ABCC8: variants seen among roughly 807,000 people sequenced by gnomAD.
ABCC8 encodes ATP-binding cassette sub-family C member 8.
Under a neutral mutation model 188.0 loss-of-function variants are expected in ABCC8, and 137 were observed. The observed-to-expected ratio is 0.73, with a 90% CI of 0.63 to 0.84. The LOEUF (loss-of-function observed/expected upper bound fraction) is 0.84, where lower values mean the gene tolerates loss of function less well. Ranked by LOEUF, ABCC8 falls within the 40% of genes least tolerant of loss-of-function variation. The pLI, the probability that ABCC8 is intolerant of heterozygous loss-of-function variation, is 0.00. For missense variants in ABCC8, 1,750 were observed against 2,072.7 expected, an observed-to-expected ratio of 0.84 and a Z score of 3.02; for synonymous variants, 797 against 846.5, an observed-to-expected ratio of 0.94 and a Z score of 1.01.
rs922957650 is a variant in ABCC8 at position 17,427,359 on chromosome 11, C to A, written c.2117-205G>T. Reference sequence around the variant, plus strand: ...CCTCTGGCTCCCCAGGTCCTTCCCCCTCTCTGATTTCCTGCCCCGCCACCC... The same window carrying A: ...CCTCTGGCTCCCCAGGTCCTTCCCCATCTCTGATTTCCTGCCCCGCCACCC... On this transcript the variant is annotated intron_variant, in intron 15 of 38. Transcript: ENST00000389817. This position sits in a 1 kb window ranked among gnomAD's most constrained non-coding sequence, Gnocchi z 5.0. 1 of 618,574 alleles carries A rather than the reference C, an allele frequency of 1.6e-6. No individual in the cohort carries two copies. The highest frequency in any genetic ancestry group is 2.0e-6 in the Non-Finnish European group (1 of 495,194). The allele number at this position is 618,574 out of a possible 1,614,324, so 38.3% of individuals were successfully genotyped here.
At chr11:17,454,596 G>T (rs1956925553) in intron 6 of ABCC8, among the ~76,000 whole-genome samples, 1 of 152,164 alleles carries the variant, frequency 6.6e-6, no homozygotes, top group South Asian at 2.1e-4. Flanking sequence ...TTAGGCTGCA[G>T]GGAGAGACCT....
At chr11:17,411,736 C>T (rs549586429) in intron 21 of ABCC8, among the ~76,000 whole-genome samples, 5 of 152,220 alleles carry the variant, frequency 3.3e-5, no homozygotes, top group Non-Finnish European at 5.9e-5. Context: ...GGATTTGAAC[C>T]GGGCTGGGCC....
At chr11:17,475,073 G>C (rs1305795261) in intron 1 of ABCC8, 46 bp from the exon 2 acceptor site, 1 of 1,611,806 alleles carries the variant, frequency 6.2e-7, no homozygotes, top group Non-Finnish European at 8.5e-7. Flanking sequence ...CCACTTGGAG[G>C]AGGAAGAGGG....
chr11:17,443,246 T>C lies in ABCC8; in HGVS notation c.1399A>G (p.Ile467Val). 6.2e-7 allele frequency: 1 copy of C among 1,614,172 alleles called. No individual in the cohort carries two copies. Among genetic ancestry groups the C allele is most frequent in the East Asian group, 2.2e-5 (1 of 44,868 alleles). ...GVSALIGAAV[I>V]ILLAPVQYFV... is the part of the protein sequence containing the mutation. ...TACTGGACAGGAGCCAGTAGAATGA[T>C]GACAGCTGCTCCAATTAAGGCACTG... The change falls in exon 9 of 39, where the codon ATC (isoleucine) becomes GTC (valine). Residue 467 changes from isoleucine (I) to valine (V), a missense_variant. Transcript: ENST00000389817.
chr11:17,396,317 T>C, intron 33 of ABCC8: 1 of 375,846 alleles, frequency 2.7e-6, no homozygotes, highest in Non-Finnish European at 5.1e-6. Context: ...CGCCCTACAA[T>C]GGAGCCACCT....
intron 16 of ABCC8, among the ~76,000 whole-genome samples, chr11:17,426,243 T>A (rs1955577228): frequency 6.6e-6 from 1 of 152,198 alleles, no homozygotes; most frequent in South Asian, 2.1e-4. Context: ...TGGTTCTAGA[T>A]CCTTGAGGAA....
At chr11:17,443,664 G>A (rs1419233919) in intron 8 of ABCC8, among the ~76,000 whole-genome samples, 1 of 152,152 alleles carries the variant, frequency 6.6e-6, no homozygotes, top group Non-Finnish European at 1.5e-5. Context: ...CTATTTGCTG[G>A]CTCTCAGGGC....
Position 17,468,149 on chromosome 11 carries a change from CT to C in ABCC8, c.412+1951del, listed in dbSNP as rs201458184. ...CCCATTCATACTCATGTGGGGGCCC[CT>C]GGGCTAGGGGTAGGGGGATCACCTG... On this transcript the variant is annotated intron_variant, in intron 3 of 38. Transcript: ENST00000389817. 8.1e-3 allele frequency among the ~76,000 whole-genome samples: 1,234 copies of C among 152,240 alleles called. 16 individuals are homozygous for C. Among genetic ancestry groups the C allele is most frequent in the African/African-American group, 0.028 (1,144 of 41,528 alleles).
intron 16 of ABCC8, 86 bp from the exon 17 acceptor site, chr11:17,417,048 A>T: frequency 6.3e-7 from 1 of 1,597,630 alleles, no homozygotes; most frequent in Non-Finnish European, 8.5e-7. Context: ...GGGGAGAAGC[A>T]ATCCCCACCT....
At chr11:17,421,305 C>T (rs538026191) in intron 16 of ABCC8, among the ~76,000 whole-genome samples, 1 of 152,266 alleles carries the variant, frequency 6.6e-6, no homozygotes, top group Non-Finnish European at 1.5e-5. Context: ...TATGCACTAA[C>T]GGTATTTGCT....
chr11:17,415,018 T>C (rs1465369271), intron 18 of ABCC8, among the ~76,000 whole-genome samples: 1 of 151,944 alleles, frequency 6.6e-6, no homozygotes, highest in Non-Finnish European at 1.5e-5. Context: ...TTTTTTTTTT[T>C]TTAAAAGCAG....
intron 4 of ABCC8, 170 bp from the exon 5 acceptor site, chr11:17,461,995 C>T: frequency 1.3e-6 from 1 of 777,564 alleles, no homozygotes; most frequent in Non-Finnish European, 1.6e-6. Context: ...CACTTCTTGG[C>T]CACCAATGTC....
chr11:17,447,638 C>A (rs898411231), intron 8 of ABCC8, among the ~76,000 whole-genome samples: 1 of 152,008 alleles, frequency 6.6e-6, no homozygotes, highest in Non-Finnish European at 1.5e-5. Flanking sequence ...GTCACTCTAT[C>A]GCCCAGGCTG....
chr11:17,417,595 C>T (rs1275590253), intron 16 of ABCC8, among the ~76,000 whole-genome samples: 1 of 152,188 alleles, frequency 6.6e-6, no homozygotes, highest in African/African-American at 2.4e-5. Flanking sequence ...TACCTCTCAA[C>T]CTTCCAGAAG....
rs1441586252 is a variant in ABCC8 at position 17,438,263 on chromosome 11, T to C, written c.1630+4457A>G. On this transcript the variant is annotated intron_variant, in intron 10 of 38. Transcript: ENST00000389817. Reference sequence around the variant, plus strand: ...ATCCCCAGGCCTGGCACACAGAAGGTGGGCAGGAAATATTTGTTTAAAAAA... The same window carrying C: ...ATCCCCAGGCCTGGCACACAGAAGGCGGGCAGGAAATATTTGTTTAAAAAA... Among the ~76,000 whole-genome samples the C allele has an allele frequency of 2.6e-5, 4 of 151,928 alleles. No homozygotes were observed. In the East Asian group the frequency reaches 5.8e-4, roughly 22 times the overall value.
chr11:17,428,182 G>GGGTGACCT, intron 14 of ABCC8, 107 bp downstream of exon 14: 1 of 1,573,976 alleles, frequency 6.4e-7, no homozygotes, highest in South Asian at 1.1e-5. Flanking sequence ...CAGGCAGGCA[G>GGGTGACCT]GGTGACCTCT....
Position 17,470,215 on chromosome 11 carries a change from C to A in ABCC8, c.298G>T (p.Glu100Ter). Residue 100 changes from glutamate to a stop codon, truncating the protein, a stop_gained, in exon 3 of 39, where the codon GAA (glutamate) becomes TAA (stop). Coordinates refer to ENST00000389817, the MANE Select transcript of ABCC8 (RefSeq NM_000352.6). LOFTEE classifies it high-confidence loss of function. ...ATGTACAGGTGCAGATGGTGGGATT[C>A]GGTCACCCTGAGATGGGAGAGAGAA... ...AEGILSDGVT[E>*]SHHLHLYMPA... The A allele has an allele frequency of 6.2e-7, 1 of 1,614,058 alleles. No individual in the cohort carries two copies. The highest frequency in any genetic ancestry group is 2.2e-5 in the East Asian group (1 of 44,876).
At chr11:17,431,271 C>T (rs1955836065) in intron 11 of ABCC8, among the ~76,000 whole-genome samples, 1 of 152,226 alleles carries the variant, frequency 6.6e-6, no homozygotes. Flanking sequence ...GCCCCCTCTG[C>T]AGACAGCAGG....
rs1195623261 is a variant in ABCC8 at position 17,474,240 on chromosome 11, C to T, written c.290+646G>A. 2.6e-5 allele frequency among the ~76,000 whole-genome samples: 4 copies of T among 152,250 alleles called. No individual in the cohort carries two copies. The East Asian group carries it at 7.7e-4, about 29-fold the overall frequency. Reference sequence around the variant, plus strand: ...GACTGAATAATGTTTATGTTTATCACATGCCTTGCACTGTGAACACAAAGA... The same window carrying T: ...GACTGAATAATGTTTATGTTTATCATATGCCTTGCACTGTGAACACAAAGA... On this transcript the variant is annotated intron_variant, in intron 2 of 38. Coordinates refer to ENST00000389817, the MANE Select transcript of ABCC8 (RefSeq NM_000352.6).
Sources: gnomAD v4.1 joint callset for allele counts (sites outside exome capture counted in the v4.1 genomes callset) on GRCh38, gnomAD v4.1.1 for gene constraint, Gnocchi (gnomAD v3.1) non-coding constraint, MANE v1.5 for transcripts, NCBI Gene and HGNC (gene_info 2026-07-23, HGNC 2026-07-21) for gene names.